Variants in EIF4E2 observed in about 807,000 individuals in gnomAD.
EIF4E2 encodes eukaryotic translation initiation factor 4E family member 2.
In EIF4E2, 13 loss-of-function variants were observed where a neutral mutation model predicts 34.2. The observed-to-expected ratio is 0.38, with a 90% CI of 0.25 to 0.60. The LOEUF (loss-of-function observed/expected upper bound fraction) is 0.60. Ranked by LOEUF, EIF4E2 falls within the 20% of genes least tolerant of loss-of-function variation. The probability of loss-of-function intolerance (pLI) is 0.62; values close to 1 mark genes in which losing one functional copy is unlikely to be tolerated. For synonymous variants in EIF4E2, 100 were observed against 106.6 expected, an observed-to-expected ratio of 0.94 and a Z score of 0.38; for missense variants, 222 against 315.1, an observed-to-expected ratio of 0.70 and a Z score of 2.24.
chr2:232,558,887 C>G lies in EIF4E2; in HGVS notation c.270+869C>G, dbSNP rs1692617170. The G allele has an allele frequency of 3.3e-5, 5 of 152,124 alleles. No individual in the cohort carries two copies. In the South Asian group the frequency reaches 1.0e-3, roughly 31 times the overall value. The allele number at this position is 152,124 out of a possible 1,614,324, so 9.4% of individuals were successfully genotyped here. A position where few individuals can be genotyped will look rare whatever the true frequency, so the allele number is the denominator to read the frequency against. ...GGCAGTCAGAGAGCCCAGACTGTCT[C>G]ATCTCTCTCCCAGGTGACTTGGTTT... On this transcript the variant is annotated intron_variant, in intron 3 of 6. Transcript: ENST00000258416.
intron 1 of EIF4E2, 94 bp from the exon 2 acceptor site, chr2:232,556,322 T>G: frequency 1.1e-6 from 1 of 941,742 alleles, no homozygotes; most frequent in Non-Finnish European, 1.7e-6. Flanking sequence ...GACTTTGGGT[T>G]GGTTACATAG....
intron 1 of EIF4E2, among the ~76,000 whole-genome samples, chr2:232,552,116 T>C (rs1428990519): frequency 6.6e-6 from 1 of 152,160 alleles, no homozygotes; most frequent in Non-Finnish European, 1.5e-5. Flanking sequence ...AGACATCTTA[T>C]GGGTCATCTA....
intron 3 of EIF4E2, among the ~76,000 whole-genome samples, chr2:232,560,611 A>G (rs1257297791): frequency 6.6e-6 from 1 of 152,204 alleles, no homozygotes; most frequent in African/African-American, 2.4e-5. Flanking sequence ...CCCCATCTGT[A>G]TAGGATTTCA....
intron 3 of EIF4E2, among the ~76,000 whole-genome samples, chr2:232,559,323 T>G (rs980621683): frequency 6.6e-6 from 1 of 151,848 alleles, no homozygotes; most frequent in Non-Finnish European, 1.5e-5. Context: ...CCTGATGTCT[T>G]AAACAAAAAT....
chr2:232,551,475 G>T (rs571280735), intron 1 of EIF4E2, among the ~76,000 whole-genome samples: 1 of 152,298 alleles, frequency 6.6e-6, no homozygotes, highest in South Asian at 2.1e-4. Flanking sequence ...GGTAGAATAT[G>T]TTCCTTCCTC....
At chr2:232,569,693 C>G (rs950621883), downstream of EIF4E2, 2 of 152,220 alleles carry the variant, frequency 1.3e-5, no homozygotes, top group Non-Finnish European at 2.9e-5. Context: ...CCAAAGCTGC[C>G]CAAGCCACAG....
chr2:232,555,285 T>C (rs1692482166), intron 1 of EIF4E2, among the ~76,000 whole-genome samples: 1 of 152,194 alleles, frequency 6.6e-6, no homozygotes, highest in Non-Finnish European at 1.5e-5. Context: ...ATATAGTTAT[T>C]GGGGCGAGAA....
intron 4 of EIF4E2, 129 bp downstream of exon 4, chr2:232,564,480 G>A: frequency 3.7e-6 from 2 of 544,974 alleles, no homozygotes; most frequent in Non-Finnish European, 6.3e-6. Context: ...GAGACGGAGT[G>A]TCGCTCTGTC....
intron 1 of EIF4E2, among the ~76,000 whole-genome samples, chr2:232,554,374 A>G (rs1190448): frequency 0.77 from 116,581 of 152,060 alleles, 45,225 homozygotes; most frequent in Middle Eastern, 0.91. Context: ...TGGGACCAGG[A>G]AGGAGATGAT....
At chr2:232,579,112 G>T (rs1406491802) in intron 6 of EIF4E2, among the ~76,000 whole-genome samples, 1 of 127,796 alleles carries the variant, frequency 7.8e-6, no homozygotes, top group African/African-American at 2.9e-5. Context: ...TTCCCTAAGA[G>T]AACTCAGAAA....
At chr2:232,580,061 T>C (rs568204200) in intron 6 of EIF4E2, among the ~76,000 whole-genome samples, 2 of 148,982 alleles carry the variant, frequency 1.3e-5, no homozygotes, top group African/African-American at 4.9e-5. Context: ...AGAGGACACA[T>C]ATTGGGATCC....
intron 6 of EIF4E2, among the ~76,000 whole-genome samples, chr2:232,576,609 A>G (rs1693228046): frequency 6.6e-6 from 1 of 152,180 alleles, no homozygotes. Flanking sequence ...AATTTAAACC[A>G]AAAATTATTC....
chr2:232,560,913 T>A (rs1692700693), intron 3 of EIF4E2, among the ~76,000 whole-genome samples: 1 of 152,210 alleles, frequency 6.6e-6, no homozygotes, highest in Middle Eastern at 3.2e-3. Context: ...TTTGGTTCAA[T>A]AAATGCTTGT....
At chr2:232,571,202 C>T (rs1693084165), downstream of EIF4E2, among the ~76,000 whole-genome samples, 1 of 152,240 alleles carries the variant, frequency 6.6e-6, no homozygotes, top group Non-Finnish European at 1.5e-5. Context: ...CTACAAGGCA[C>T]TGCCTGCCGC....
At chr2:232,557,640 A>G (rs188579107) in intron 2 of EIF4E2, 31 of 451,208 alleles carry the variant, frequency 6.9e-5, no homozygotes, top group Admixed American at 3.5e-4. Context: ...ATGAATACCT[A>G]TTATATGAGG....
intron 3 of EIF4E2, 56 bp downstream of exon 3, chr2:232,558,074 T>G (rs1692587741): frequency 3.8e-6 from 6 of 1,574,436 alleles, no homozygotes; most frequent in Non-Finnish European, 5.2e-6. Context: ...ATGCCTGTAT[T>G]GATATGATGT....
exon 7 of EIF4E2, chr2:232,582,693 G>T (rs1180689901): frequency 6.6e-6 from 1 of 152,160 alleles, no homozygotes; most frequent in Non-Finnish European, 1.5e-5. Flanking sequence ...CCCTCCTTTG[G>T]GCATCTACCT....
In EIF4E2 at chr2:232,552,959, A is replaced by G. The variant is rs78574288; in HGVS notation, c.20+2215A>G. ...GAGTCTTTACCACATTGCTCTCTCTAGTAATCTGCACTTTTTACCACATTG... is the reference window on the plus strand; with the variant it reads ...GAGTCTTTACCACATTGCTCTCTCTGGTAATCTGCACTTTTTACCACATTG... On this transcript the variant is annotated intron_variant, in intron 1 of 6. Coordinates refer to ENST00000258416, the MANE Select transcript of EIF4E2 (RefSeq NM_004846.4). 3.0e-3 allele frequency among the ~76,000 whole-genome samples: 455 copies of G among 152,258 alleles called. 2 individuals carry two copies. The highest frequency in any genetic ancestry group is 0.011 in the African/African-American group (441 of 41,546).
intron 2 of EIF4E2, chr2:232,557,579 C>A: frequency 7.2e-6 from 2 of 278,900 alleles, no homozygotes; most frequent in East Asian, 8.1e-5. Context: ...TGATGAATCT[C>A]ATAGAGGAGG....
Sources: gnomAD v4.1 joint callset for allele counts (sites outside exome capture counted in the v4.1 genomes callset) on GRCh38, gnomAD v4.1.1 for gene constraint, MANE v1.5 for transcripts, NCBI Gene and HGNC (gene_info 2026-07-23, HGNC 2026-07-21) for gene names.